The following DNMT3B variants were observed in gnomAD, a reference collection of about 807,000 sequenced individuals.
The protein encoded by DNMT3B is DNA methyltransferase 3 beta.
Under a neutral mutation model 120.2 loss-of-function variants are expected in DNMT3B, and 37 were observed. The ratio of observed to expected loss-of-function variants is 0.31; its 90% CI spans 0.24 to 0.40. DNMT3B has a LOEUF of 0.40. DNMT3B is among the 10% of genes least tolerant of loss of function. The pLI is 1.00. For synonymous variants in DNMT3B, 412 were observed against 442.8 expected, an observed-to-expected ratio of 0.93 and a Z score of 0.87; for missense variants, 878 against 1,137.3, an observed-to-expected ratio of 0.77 and a Z score of 3.28.
At chr20:32,781,995 T>C (rs948465098) in intron 3 of DNMT3B, among the ~76,000 whole-genome samples, 1 of 152,228 alleles carries the variant, frequency 6.6e-6, no homozygotes, top group Non-Finnish European at 1.5e-5. Context: ...AGCCATGAAG[T>C]GTTTCCTTTA....
intron 15 of DNMT3B, 45 bp downstream of exon 15, chr20:32,798,688 A>C: frequency 4.3e-6 from 7 of 1,612,300 alleles, no homozygotes; most frequent in Non-Finnish European, 5.1e-6. Context: ...TCCCAGGGGC[A>C]CAGGGTGTTG....
chr20:32,803,320 A>G (rs1981581181), intron 20 of DNMT3B, among the ~76,000 whole-genome samples: 1 of 151,958 alleles, frequency 6.6e-6, no homozygotes, highest in African/African-American at 2.4e-5. Flanking sequence ...AGCTTAAAAC[A>G]TTCTCCTGTA....
At chr20:32,790,642 C>T (rs2424915) in intron 7 of DNMT3B, among the ~76,000 whole-genome samples, 76,422 of 151,964 alleles carry the variant, frequency 0.5, 20,324 homozygotes, top group East Asian at 0.99. Flanking sequence ...GCACTCTTTA[C>T]GGAGACTAGA....
At position 32,808,306 on chromosome 20, in the gene DNMT3B, C is replaced by T. The variant is rs1982184477; in HGVS notation, c.*403C>T. The T allele has an allele frequency of 3.1e-5, 10 of 323,076 alleles. No homozygotes were observed. In the South Asian group the frequency reaches 5.2e-4, roughly 17 times the overall value. The allele number at this position is 323,076 out of a possible 1,614,324, so 20.0% of individuals were successfully genotyped here. ...GTTAATGCTGAAAAATCATCCAAGACAGTTATTGCAAGAGTTTAATTTTTG... is the reference window on the plus strand; with the variant it reads ...GTTAATGCTGAAAAATCATCCAAGATAGTTATTGCAAGAGTTTAATTTTTG... On this transcript the variant is annotated 3_prime_UTR_variant, in exon 23 of 23. Transcript: ENST00000328111.
chr20:32,782,498 AGAT>A (rs1978744682), intron 3 of DNMT3B, among the ~76,000 whole-genome samples: 2 of 152,244 alleles, frequency 1.3e-5, no homozygotes, highest in African/African-American at 4.8e-5. Context: ...CTCCTCCAGA[AGAT>A]GATGTCTAAT....
chr20:32,781,577 C>T (rs894181941), intron 3 of DNMT3B, among the ~76,000 whole-genome samples, 163 bp downstream of exon 3: 4 of 152,218 alleles, frequency 2.6e-5, no homozygotes, highest in Admixed American at 1.3e-4. Context: ...TCAATCTGGA[C>T]GATCAGTTAC....
rs777111334 is a variant in DNMT3B, at chr20:32,801,257, T to C, written c.1997-21T>C. 4 of 1,614,152 alleles carry C rather than the reference T, an allele frequency of 2.5e-6. No individual in the cohort carries two copies. The East Asian group carries it at 8.9e-5, about 36-fold the overall frequency. On this transcript the variant is annotated intron_variant, in intron 18 of 22. Coordinates refer to ENST00000328111, the MANE Select transcript of DNMT3B (RefSeq NM_006892.4). ...TGGAGGTTTCAAATGAACCCTGCGCTGTCATCTTTTCTGAGCACAGAGGGT... is the reference window on the plus strand; with the variant it reads ...TGGAGGTTTCAAATGAACCCTGCGCCGTCATCTTTTCTGAGCACAGAGGGT...
chr20:32,785,911 T>C (rs930058321), intron 4 of DNMT3B, among the ~76,000 whole-genome samples: 3 of 151,946 alleles, frequency 2.0e-5, no homozygotes, highest in African/African-American at 7.3e-5. Context: ...TGAGATGCAG[T>C]CTCACTGTGT....
intron 21 of DNMT3B, 74 bp downstream of exon 21, chr20:32,805,481 T>C: frequency 1.3e-6 from 2 of 1,578,660 alleles, no homozygotes; most frequent in Non-Finnish European, 1.7e-6. Flanking sequence ...ATGACCTTGG[T>C]GTTTGATTGG....
rs760904691 is a variant in DNMT3B, at chr20:32,793,542, A to T, written c.1073A>T (p.Asn358Ile). The T allele has an allele frequency of 6.2e-7, 1 of 1,614,104 alleles. No individual in the cohort carries two copies. The highest frequency in any genetic ancestry group is 2.2e-5 in the East Asian group (1 of 44,906). The change falls in exon 10 of 23, where the codon AAT (asparagine) becomes ATT (isoleucine). Residue 358 changes from asparagine to isoleucine, a missense_variant. Physicochemically the swap from Asn to Ile is moderately radical, Grantham distance 149. This residue lies in a region of DNMT3B where 207 missense variants were observed against 222.6 expected (regional missense o/e 0.93). Transcript: ENST00000328111. ...TTTGTTTTCCCCTCAAAAGTGGTTA[A>T]TAAGTCGAAGGTGCGTCGTGCAGGC... ...LKPNNTQPVV[N>I]KSKVRRAGSR...
intron 6 of DNMT3B, among the ~76,000 whole-genome samples, chr20:32,787,707 T>C (rs1015716630): frequency 1.6e-4 from 24 of 152,320 alleles, no homozygotes; most frequent in African/African-American, 5.1e-4. Flanking sequence ...ATGACATTTA[T>C]GTAAGGACTG....
Position 32,781,385 on chromosome 20 carries a change from G to T in DNMT3B, c.175G>T (p.Glu59Ter), listed in dbSNP as rs1978607058. Residue 59 changes from glutamate to a stop codon, truncating the protein, a stop_gained, in exon 3 of 23, where the codon GAG becomes TAG. Transcript: ENST00000328111. LOFTEE classifies it high-confidence loss of function. The stretch of plus-strand genomic sequence containing the variant: ...ATCAAGCTCGCGACTCTCCAAGAGG[G>T]AGGTGTCCAGTCTGCTAAGCTACAC... ...RRSSSRLSKREVSSLLSYTQD... is the reference protein window; with the variant it reads ...RRSSSRLSKR The T allele has an allele frequency of 6.2e-7, 1 of 1,614,066 alleles. No individual in the cohort carries two copies. The highest frequency in any genetic ancestry group is 8.5e-7 in the Non-Finnish European group (1 of 1,180,048).
intron 10 of DNMT3B, among the ~76,000 whole-genome samples, chr20:32,793,804 G>A (rs928222110): frequency 1.3e-5 from 2 of 152,096 alleles, no homozygotes; most frequent in African/African-American, 4.8e-5. Flanking sequence ...CTGAACACTA[G>A]TTGGATTCCT....
chr20:32,764,699 T>A (rs1987195992), intron 1 of DNMT3B, among the ~76,000 whole-genome samples: 1 of 152,154 alleles, frequency 6.6e-6, no homozygotes, highest in African/African-American at 2.4e-5. Flanking sequence ...AGTGAGATCC[T>A]TTACCTTTTC....
Position 32,788,887 on chromosome 20 carries a change from T to G in DNMT3B, c.688T>G (p.Trp230Gly). Residue 230 changes from tryptophan (W) to glycine (G), a missense_variant, in exon 7 of 23, where the codon TGG becomes GGG. By Grantham distance (184) the Trp-to-Gly change is radical. Coordinates refer to ENST00000328111, the MANE Select transcript of DNMT3B (RefSeq NM_006892.4). ...GGAGTTTGGAATAGGGGACCTCGTG[T>G]GGGGAAAGATCAAGGGCTTCTCCTG... is the stretch of plus-strand genomic sequence containing the variant. ...GKEFGIGDLV[W>G]GKIKGFSWWP... 6.2e-7 allele frequency: 1 copy of G among 1,613,652 alleles called. No individual in the cohort carries two copies.
intron 21 of DNMT3B, 43 bp downstream of exon 21, chr20:32,805,450 C>T: frequency 1.2e-6 from 2 of 1,612,066 alleles, no homozygotes; most frequent in Non-Finnish European, 1.7e-6. Flanking sequence ...ACTTGGTGAC[C>T]TCCAAGTGGG....
chr20:32,784,458 C>G, intron 3 of DNMT3B, among the ~76,000 whole-genome samples: 1 of 152,260 alleles, frequency 6.6e-6, no homozygotes, highest in East Asian at 1.9e-4. Flanking sequence ...GCTTAACACT[C>G]CAGCCAGACC....
At chr20:32,774,508 CTTTTTTTTT>C (rs386393640) in intron 1 of DNMT3B, among the ~76,000 whole-genome samples, 1 of 98,512 alleles carries the variant, frequency 1.0e-5, no homozygotes, top group Non-Finnish European at 1.9e-5. Context: ...CGCGCCTGGC[CTTTTTTTTT>C]TTTTTTTTTT....
At chr20:32,786,655 G>T (rs1186258050) in intron 5 of DNMT3B, 28 bp downstream of exon 5, 1 of 1,613,284 alleles carries the variant, frequency 6.2e-7, no homozygotes. Context: ...CCAGACCCCT[G>T]CCCGCAGTCT....
Sources: allele counts gnomAD v4.1 joint callset (sites outside exome capture counted in the v4.1 genomes callset), GRCh38; gene constraint gnomAD v4.1.1; regional missense constraint gnomAD v4.1.1; transcripts MANE v1.5; gene names NCBI Gene and HGNC (gene_info 2026-07-23, HGNC 2026-07-21).